Variants in NALCN observed in about 807,000 individuals in gnomAD.
The protein encoded by NALCN is sodium leak channel NALCN.
NALCN carries 111 observed loss-of-function variants against 225.3 expected under a neutral mutation model. The observed-to-expected ratio is 0.49, with a 90% CI of 0.42 to 0.58. The LOEUF (loss-of-function observed/expected upper bound fraction) is 0.58, where lower values mean the gene tolerates loss of function less well. NALCN is among the 20% of genes least tolerant of loss of function. The pLI, the probability that NALCN is intolerant of heterozygous loss-of-function variation, is 0.00. For missense variants in NALCN, 1,378 were observed against 2,202.4 expected, an observed-to-expected ratio of 0.63 and a Z score of 7.49; for synonymous variants, 764 against 769.0, an observed-to-expected ratio of 0.99 and a Z score of 0.11.
chr13:101,282,759 AC>A (rs2043209899), intron 10 of NALCN, among the ~76,000 whole-genome samples: 2 of 152,192 alleles, frequency 1.3e-5, no homozygotes, highest in African/African-American at 4.8e-5. Context: ...TCAAATCATC[AC>A]ATTGTATACC....
rs1266760622 is a variant in NALCN, at chr13:101,074,498, A to C, written c.4103+16T>G. 1.3e-6 allele frequency: 2 copies of C among 1,563,394 alleles called. No homozygotes were observed. Among genetic ancestry groups the C allele is most frequent in the African/African-American group, 1.4e-5 (1 of 72,202 alleles). ...GTTTGCTTGATAAATGAATAGAAAGATAAGTATATACCAACCTGTTAATAT... is the reference window on the plus strand; with the variant it reads ...GTTTGCTTGATAAATGAATAGAAAGCTAAGTATATACCAACCTGTTAATAT... On this transcript the variant is annotated intron_variant, in intron 36 of 43. Transcript: ENST00000251127.
intron 18 of NALCN, chr13:101,116,563 G>C (rs775011425): frequency 1.9e-6 from 1 of 515,408 alleles, no homozygotes; most frequent in South Asian, 1.4e-5. Flanking sequence ...TAATGTCCCA[G>C]AACAAGGGTG....
At chr13:101,073,076 C>T (rs911859215) in intron 37 of NALCN, among the ~76,000 whole-genome samples, 17 of 152,226 alleles carry the variant, frequency 1.1e-4, no homozygotes, top group Non-Finnish European at 1.2e-4. Context: ...AGGCAAAAGA[C>T]CTGTTTAAAC....
chr13:101,066,490 C>T (rs1452994759), intron 39 of NALCN, among the ~76,000 whole-genome samples: 1 of 149,742 alleles, frequency 6.7e-6, no homozygotes, highest in Non-Finnish European at 1.5e-5. Context: ...TGCCCCCTGG[C>T]TGTATCTTTG....
chr13:101,058,413 G>T (rs619127), intron 42 of NALCN: 2 of 198,026 alleles, frequency 1.0e-5, no homozygotes, highest in African/African-American at 2.4e-5. Context: ...CAGTGGGGAC[G>T]GGCTGGGCGG....
chr13:101,328,313 A>AT (rs574724421), intron 7 of NALCN, among the ~76,000 whole-genome samples: 7 of 151,570 alleles, frequency 4.6e-5, no homozygotes, highest in Admixed American at 3.3e-4. Context: ...TGAGTACTGT[A>AT]TTTTTTTTTC....
At chr13:101,082,159 T>G (rs1293863212) in intron 33 of NALCN, among the ~76,000 whole-genome samples, 2 of 152,144 alleles carry the variant, frequency 1.3e-5, no homozygotes. Context: ...GTTACAGGAG[T>G]GAGCCAGCAT....
At chr13:101,259,322 A>G (rs1009832491) in intron 10 of NALCN, among the ~76,000 whole-genome samples, 2 of 151,798 alleles carry the variant, frequency 1.3e-5, no homozygotes, top group Admixed American at 1.3e-4. Context: ...AAAAATAATG[A>G]GTATTATTTA....
intron 26 of NALCN, 42 bp from the exon 27 acceptor site, chr13:101,100,930 T>A: frequency 6.6e-7 from 1 of 1,515,880 alleles, no homozygotes; most frequent in Non-Finnish European, 9.0e-7. Flanking sequence ...TGTTAAAGAC[T>A]AAATATTAGG....
At chr13:101,358,302 C>A (rs2139351462) in intron 6 of NALCN, among the ~76,000 whole-genome samples, 1 of 152,060 alleles carries the variant, frequency 6.6e-6, no homozygotes, top group Middle Eastern at 3.4e-3. Flanking sequence ...ACCCATCTGA[C>A]AAAGGTCTAA....
chr13:101,202,341 A>G lies in NALCN; in HGVS notation c.1627-10287T>C, dbSNP rs2140044187. On this transcript the variant is annotated intron_variant, in intron 13 of 43. Coordinates refer to ENST00000251127, the MANE Select transcript of NALCN (RefSeq NM_052867.4). ...GGAAAACCAATGAAGATGACATGAA[A>G]TGTATTTAAAATCCTATGGTAAATA... Among the ~76,000 whole-genome samples the G allele has an allele frequency of 2.0e-5, 3 of 152,308 alleles. No individual in the cohort carries two copies. The Middle Eastern group carries it at 0.01, about 518-fold the overall frequency.
intron 14 of NALCN, among the ~76,000 whole-genome samples, chr13:101,182,308 T>C (rs2039273412): frequency 6.6e-6 from 1 of 152,066 alleles, no homozygotes; most frequent in African/African-American, 2.4e-5. Flanking sequence ...CATTTGATAT[T>C]TGCTGTGGAT....
chr13:101,363,672 G>A (rs1439390465), intron 6 of NALCN, among the ~76,000 whole-genome samples: 2 of 152,034 alleles, frequency 1.3e-5, no homozygotes, highest in African/African-American at 2.4e-5. Flanking sequence ...ACTGGACTGG[G>A]CAAATTTTTG....
chr13:101,390,479 G>A (rs2047114221), intron 3 of NALCN, among the ~76,000 whole-genome samples: 3 of 151,826 alleles, frequency 2.0e-5, no homozygotes, highest in Admixed American at 1.3e-4. Context: ...CATAGATCCT[G>A]GTATAATTAG....
chr13:101,103,247 C>T lies in NALCN; in HGVS notation c.2982G>A (p.Leu994=). The T allele has an allele frequency of 6.2e-7, 1 of 1,614,026 alleles. No individual in the cohort carries two copies. Among genetic ancestry groups the T allele is most frequent in the Non-Finnish European group, 8.5e-7 (1 of 1,179,928 alleles). The change falls in exon 26 of 44, where the codon CTG becomes CTA. Residue 994 remains leucine (L), a synonymous_variant. Coordinates refer to ENST00000251127, the MANE Select transcript of NALCN (RefSeq NM_052867.4). ...LLMVLRCLRP[L]RIFKLVPQMR... ...TCTGGGGCACCAGTTTGAATATGCG[C>T]AGAGGTCTCAGGCACCGAAGGACCA...
Position 101,416,312 on chromosome 13 carries a change from C to T in NALCN, c.-40+1G>A, listed in dbSNP as rs1210461945. ...CCCGGGCACCGGCGGCGGTGACCAA[C>T]CTGTAACCCCAGCGCTCAGAGCTGT... On this transcript the variant is annotated splice_donor_variant, in intron 1 of 43. Coordinates refer to ENST00000251127, the MANE Select transcript of NALCN (RefSeq NM_052867.4). LOFTEE classifies it low-confidence loss of function (5UTR_SPLICE). 6.6e-6 allele frequency: 1 copy of T among 151,996 alleles called. No homozygotes were observed. Among genetic ancestry groups the T allele is most frequent in the African/African-American group, 2.4e-5 (1 of 41,368 alleles). 9.4% of individuals were successfully genotyped at this position (151,996 alleles called of 1,614,324 possible). A position where few individuals can be genotyped will look rare whatever the true frequency, so the allele number is the denominator to read the frequency against.
intron 3 of NALCN, among the ~76,000 whole-genome samples, chr13:101,391,463 G>C (rs911739337): frequency 6.8e-6 from 1 of 146,720 alleles, no homozygotes; most frequent in Non-Finnish European, 1.5e-5. Context: ...TGGGAGGATC[G>C]CTTGAGTCTG....
intron 3 of NALCN, among the ~76,000 whole-genome samples, chr13:101,388,529 T>G (rs964049827): frequency 6.6e-6 from 1 of 152,208 alleles, no homozygotes; most frequent in Non-Finnish European, 1.5e-5. Flanking sequence ...AACGATTTGG[T>G]CCTAAGTCAT....
chr13:101,334,164 A>T (rs2045282370), intron 7 of NALCN, among the ~76,000 whole-genome samples: 1 of 149,818 alleles, frequency 6.7e-6, no homozygotes, highest in Non-Finnish European at 1.5e-5. Flanking sequence ...AGGGTAAAAC[A>T]CACACAGGCA....
Sources: allele counts gnomAD v4.1 joint callset (sites outside exome capture counted in the v4.1 genomes callset), GRCh38; gene constraint gnomAD v4.1.1; transcripts MANE v1.5; gene names NCBI Gene and HGNC (gene_info 2026-07-23, HGNC 2026-07-21).